Variants in FNDC3A observed in about 807,000 individuals in gnomAD.
FNDC3A encodes fibronectin type-III domain-containing protein 3A.
FNDC3A carries 32 observed loss-of-function variants against 148.9 expected under a neutral mutation model. The ratio of observed to expected loss-of-function variants is 0.21; its 90% CI spans 0.16 to 0.29. The LOEUF (loss-of-function observed/expected upper bound fraction) is 0.29, where lower values mean the gene tolerates loss of function less well. Among genes scored for constraint, FNDC3A ranks in the 10% least tolerant of loss-of-function variants. The pLI is 1.00. For synonymous variants in FNDC3A, 472 were observed against 473.6 expected (o/e 1.00, Z 0.04); for missense variants, 1,191 against 1,452.8 (o/e 0.82, Z 2.93).
intron 2 of FNDC3A, among the ~76,000 whole-genome samples, chr13:49,060,576 G>A (rs1327004843): frequency 4.0e-5 from 6 of 150,858 alleles, no homozygotes; most frequent in African/African-American, 1.5e-4. Flanking sequence ...CCCAGGAGGC[G>A]GAGGTTGCAG....
chr13:48,986,382 G>GTTTTTTTTTT (rs1425213112), intron 1 of FNDC3A, among the ~76,000 whole-genome samples: 1 of 61,956 alleles, frequency 1.6e-5, no homozygotes, highest in African/African-American at 5.8e-5. Context: ...GGAGAAGGAA[G>GTTTTTTTTTT]TTGTTTTTTT....
intron 13 of FNDC3A, among the ~76,000 whole-genome samples, chr13:49,176,447 A>T (rs1885035330): frequency 2.6e-5 from 4 of 152,092 alleles, no homozygotes; most frequent in Admixed American, 2.6e-4. Flanking sequence ...ACACCTGGAC[A>T]CAGGGAGGGG....
At chr13:49,147,547 G>T (rs959924681) in intron 8 of FNDC3A, among the ~76,000 whole-genome samples, 1 of 151,492 alleles carries the variant, frequency 6.6e-6, no homozygotes, top group South Asian at 2.1e-4. Context: ...AAAAAAAAAA[G>T]TAGGGAATAG....
At chr13:49,155,444 A>G (rs1210786293) in intron 8 of FNDC3A, among the ~76,000 whole-genome samples, 3 of 144,342 alleles carry the variant, frequency 2.1e-5, no homozygotes, top group Non-Finnish European at 3.0e-5. Context: ...CGGTCTATCT[A>G]TTTTGTTGAT....
chr13:48,979,158 G>A (rs1951655479), intron 1 of FNDC3A, among the ~76,000 whole-genome samples: 2 of 152,062 alleles, frequency 1.3e-5, no homozygotes, highest in Non-Finnish European at 2.9e-5. Flanking sequence ...CCAAGATTGA[G>A]AACTACACCT....
At chr13:49,162,356 T>C (rs2138027151) in intron 8 of FNDC3A, among the ~76,000 whole-genome samples, 1 of 152,304 alleles carries the variant, frequency 6.6e-6, no homozygotes, top group East Asian at 1.9e-4. Context: ...TTTCATTAAT[T>C]TGTGCTTCAG....
At chr13:49,118,457 A>G (rs961881724) in intron 4 of FNDC3A, among the ~76,000 whole-genome samples, 16 of 152,180 alleles carry the variant, frequency 1.1e-4, no homozygotes, top group Non-Finnish European at 1.5e-4. Flanking sequence ...GCTAGCTGCA[A>G]GAGCTTTTTT....
chr13:49,168,239 TGTAGATTGTA>T (rs1412712910), intron 9 of FNDC3A, among the ~76,000 whole-genome samples: 1 of 152,212 alleles, frequency 6.6e-6, no homozygotes, highest in African/African-American at 2.4e-5. Flanking sequence ...TTTTTCAAAC[TGTAGATTGTA>T]GTCACATTTA....
At chr13:49,114,415 G>A (rs7338284) in intron 3 of FNDC3A, among the ~76,000 whole-genome samples, 2 of 97,096 alleles carry the variant, frequency 2.1e-5, no homozygotes, top group Non-Finnish European at 4.8e-5. Flanking sequence ...CAACCTCCCC[G>A]CCCCCCACCA....
chr13:49,206,499 G>A (rs192577699), intron 25 of FNDC3A, among the ~76,000 whole-genome samples: 134 of 152,200 alleles, frequency 8.8e-4, no homozygotes, highest in Middle Eastern at 6.8e-3. Context: ...CTGAAAATCC[G>A]TGGAATTTCA....
intron 4 of FNDC3A, among the ~76,000 whole-genome samples, chr13:49,129,906 A>C (rs1425174973): frequency 6.6e-6 from 1 of 152,196 alleles, no homozygotes; most frequent in African/African-American, 2.4e-5. Context: ...TATATTTATA[A>C]AATAATTTGC....
chr13:49,004,191 T>C (rs1952178873), intron 1 of FNDC3A, among the ~76,000 whole-genome samples: 2 of 151,980 alleles, frequency 1.3e-5, no homozygotes, highest in South Asian at 4.1e-4. Flanking sequence ...AGAAAGTGAG[T>C]AGTAACAAAA....
At chr13:49,014,418 G>A (rs1434594981) in intron 2 of FNDC3A, among the ~76,000 whole-genome samples, 1 of 115,638 alleles carries the variant, frequency 8.6e-6, no homozygotes, top group Non-Finnish European at 1.8e-5. Flanking sequence ...GTCTGTTCAT[G>A]TCCTTCACCC....
chr13:49,202,037 G>C, intron 24 of FNDC3A, 71 bp downstream of exon 24: 1 of 1,020,518 alleles, frequency 9.8e-7, no homozygotes, highest in South Asian at 2.2e-5. Context: ...TAAATGCTTT[G>C]TTTACTGATA....
At chr13:49,085,458 C>A (rs991100655) in intron 3 of FNDC3A, among the ~76,000 whole-genome samples, 1 of 152,136 alleles carries the variant, frequency 6.6e-6, no homozygotes, top group Non-Finnish European at 1.5e-5. Context: ...GCAAGTAAGA[C>A]TCCTAGTAAC....
intron 3 of FNDC3A, among the ~76,000 whole-genome samples, chr13:49,086,909 A>G (rs1878851294): frequency 6.6e-6 from 1 of 152,182 alleles, no homozygotes; most frequent in Admixed American, 6.5e-5. Flanking sequence ...CAGATCATCC[A>G]TTCATAAATT....
At chr13:49,134,550 T>C (rs1882219306) in intron 5 of FNDC3A, among the ~76,000 whole-genome samples, 1 of 152,092 alleles carries the variant, frequency 6.6e-6, no homozygotes, top group Non-Finnish European at 1.5e-5. Context: ...GGTATGTGCC[T>C]CAGAGTGGAA....
intron 1 of FNDC3A, among the ~76,000 whole-genome samples, chr13:48,991,751 A>G (rs1339186517): frequency 6.6e-6 from 1 of 152,198 alleles, no homozygotes; most frequent in African/African-American, 2.4e-5. Flanking sequence ...TGGAACTGCA[A>G]AGAGAAATAC....
At chr13:49,200,121 A>G (rs1401066288) in intron 23 of FNDC3A, among the ~76,000 whole-genome samples, 2 of 152,172 alleles carry the variant, frequency 1.3e-5, no homozygotes, top group Non-Finnish European at 1.5e-5. Flanking sequence ...TTTTCACTGA[A>G]TATATTAGAA....
Sources: allele counts gnomAD v4.1 joint callset (sites outside exome capture counted in the v4.1 genomes callset), GRCh38; gene constraint gnomAD v4.1.1; transcripts MANE v1.5; gene names NCBI Gene and HGNC (gene_info 2026-07-23, HGNC 2026-07-21).